Variants in FGD5 observed in about 807,000 individuals in gnomAD.
FGD5 encodes the protein FYVE, RhoGEF and PH domain-containing protein 5.
A neutral mutation model predicts 133.4 loss-of-function variants in FGD5; 28 were observed. The observed-to-expected ratio is 0.21, with a 90% CI of 0.16 to 0.29. FGD5 has a LOEUF of 0.29. FGD5 is among the 10% of genes least tolerant of loss of function. FGD5 has a pLI of 1.00. For missense variants in FGD5, 1,858 were observed against 1,895.2 expected (o/e 0.98, Z 0.36); for synonymous variants, 810 against 776.5 (o/e 1.04, Z -0.72).
chr3:14,854,440 C>T (rs994085157), intron 1 of FGD5, among the ~76,000 whole-genome samples: 3 of 100,152 alleles, frequency 3.0e-5, no homozygotes, highest in Admixed American at 9.7e-5. Context: ...TTTATTGAGA[C>T]GAGCTCACTC....
intron 2 of FGD5, among the ~76,000 whole-genome samples, chr3:14,874,920 C>T (rs2037685933): frequency 6.6e-6 from 1 of 152,188 alleles, no homozygotes; most frequent in Non-Finnish European, 1.5e-5. Context: ...ACTGTTGCGT[C>T]CCTCCTTCTC....
chr3:14,814,708 G>T (rs1406389201), upstream of FGD5, among the ~76,000 whole-genome samples: 2 of 152,110 alleles, frequency 1.3e-5, no homozygotes, highest in Non-Finnish European at 2.9e-5. Flanking sequence ...GAGCCTGCTT[G>T]ACATCTCCAG....
At chr3:14,928,292 G>A (rs958578146) in intron 18 of FGD5, among the ~76,000 whole-genome samples, 1 of 151,880 alleles carries the variant, frequency 6.6e-6, no homozygotes. Flanking sequence ...GGCTGTTCTC[G>A]AACTGCTGGT....
At chr3:14,910,989 G>T in intron 11 of FGD5, 60 bp downstream of exon 11, 1 of 1,520,324 alleles carries the variant, frequency 6.6e-7, no homozygotes, top group South Asian at 1.2e-5. Context: ...GGTTTTCTAG[G>T]GCCATTATTC....
intron 4 of FGD5, among the ~76,000 whole-genome samples, chr3:14,883,847 A>C (rs904905495): frequency 1.3e-5 from 2 of 152,184 alleles, no homozygotes; most frequent in Non-Finnish European, 2.9e-5. Flanking sequence ...GGAAAGACAT[A>C]TGCAGGAAGG....
At chr3:14,887,269 C>T (rs1427440129) in intron 4 of FGD5, among the ~76,000 whole-genome samples, 1 of 152,162 alleles carries the variant, frequency 6.6e-6, no homozygotes, top group African/African-American at 2.4e-5. Flanking sequence ...GACCCGTACC[C>T]TTGTTCCCAG....
chr3:14,833,338 G>A lies in FGD5; in HGVS notation c.2525+11742G>A, dbSNP rs530113975. Among the ~76,000 whole-genome samples, 90 of 152,208 alleles carry A rather than the reference G, an allele frequency of 5.9e-4. 1 individual carries two copies. Among genetic ancestry groups the A allele is most frequent in the Non-Finnish European group, 1.1e-3 (74 of 68,038 alleles). ...CCCTGGATAGGGCCCAAAATCTCCA[G>A]GTCAAGGCATAACCCAAGAACTTGA... On this transcript the variant is annotated intron_variant, in intron 1 of 19. Coordinates refer to ENST00000285046, the MANE Select transcript of FGD5 (RefSeq NM_152536.4).
intron 4 of FGD5, among the ~76,000 whole-genome samples, chr3:14,882,955 C>T (rs1329673967): frequency 3.3e-5 from 5 of 152,152 alleles, no homozygotes; most frequent in African/African-American, 9.7e-5. Flanking sequence ...GAGATTGGTG[C>T]TGTCGAGATC....
chr3:14,904,594 C>A (rs2038305016), intron 9 of FGD5, among the ~76,000 whole-genome samples: 1 of 151,906 alleles, frequency 6.6e-6, no homozygotes, highest in Admixed American at 6.6e-5. Flanking sequence ...TATTTCCTGC[C>A]CCAGTCTTAG....
At chr3:14,895,923 A>G (rs965244068) in intron 4 of FGD5, among the ~76,000 whole-genome samples, 5 of 152,240 alleles carry the variant, frequency 3.3e-5, no homozygotes, top group Non-Finnish European at 7.3e-5. Flanking sequence ...ACTGATAAAC[A>G]AATTCAGCAA....
chr3:14,865,609 A>G (rs1222588003), intron 2 of FGD5, among the ~76,000 whole-genome samples: 2 of 151,464 alleles, frequency 1.3e-5, no homozygotes, highest in African/African-American at 2.4e-5. Context: ...CGTATCTGGC[A>G]CTGTCCTGAG....
chr3:14,840,085 A>G (rs1225144146), intron 1 of FGD5, among the ~76,000 whole-genome samples: 3 of 152,012 alleles, frequency 2.0e-5, no homozygotes, highest in East Asian at 3.9e-4. Context: ...TACTGCATCC[A>G]TGTACAGACA....
rs950515298 is a variant in FGD5 at position 14,862,503 on chromosome 3, C to T, written c.2526-1625C>T. 9.9e-5 allele frequency among the ~76,000 whole-genome samples: 15 copies of T among 152,192 alleles called. 1 individual carries two copies. Among genetic ancestry groups the T allele is most frequent in the Admixed American group, 9.2e-4 (14 of 15,290 alleles). ...CCCTTGGCAGCACGGTGACTTGCAG[C>T]GGAGGTGGAGGTGACCCTGAGACAG... is the stretch of plus-strand genomic sequence containing the variant. On this transcript the variant is annotated intron_variant, in intron 1 of 19. Transcript: ENST00000285046.
rs2038699182 is a variant in FGD5 at position 14,922,315 on chromosome 3, C to A, written c.3670-96C>A. The A allele has an allele frequency of 4.0e-6, 6 of 1,505,576 alleles. No homozygotes were observed. The highest frequency in any genetic ancestry group is 2.0e-5 in the Admixed American group (1 of 49,934). The allele number at this position is 1,505,576 out of a possible 1,614,324, so 93.3% of individuals were successfully genotyped here. On this transcript the variant is annotated intron_variant, in intron 14 of 19. Transcript: ENST00000285046. This position sits in a 1 kb window ranked among gnomAD's most constrained non-coding sequence, Gnocchi z 4.1. Reference sequence around the variant, plus strand: ...GACCCACTCACCCACACATCACACACCCTGCACAGAGACGCAGGGCAGGGC... The same window carrying A: ...GACCCACTCACCCACACATCACACAACCTGCACAGAGACGCAGGGCAGGGC...
At chr3:14,927,949 A>G (rs1423366233) in intron 18 of FGD5, among the ~76,000 whole-genome samples, 3 of 137,504 alleles carry the variant, frequency 2.2e-5, no homozygotes, top group East Asian at 2.1e-4. Flanking sequence ...TTTTTTTTTA[A>G]TTTTTTTTTT....
At chr3:14,887,050 G>A (rs1407541827) in intron 4 of FGD5, among the ~76,000 whole-genome samples, 2 of 152,192 alleles carry the variant, frequency 1.3e-5, no homozygotes, top group Non-Finnish European at 2.9e-5. Context: ...TGCATAGGTC[G>A]AGCTGACGGA....
chr3:14,880,506 G>A, intron 2 of FGD5, 66 bp from the exon 3 acceptor site: 1 of 1,518,516 alleles, frequency 6.6e-7, no homozygotes, highest in Non-Finnish European at 9.0e-7. Flanking sequence ...GCCTCCAGCA[G>A]CATGGTGGCC....
chr3:14,845,947 G>GT (rs1475743198), intron 1 of FGD5, among the ~76,000 whole-genome samples: 1 of 152,166 alleles, frequency 6.6e-6, no homozygotes, highest in East Asian at 1.9e-4. Flanking sequence ...GTGGAGTGAG[G>GT]TATGTGCTGC....
At chr3:14,872,877 A>C (rs1466016641) in intron 2 of FGD5, among the ~76,000 whole-genome samples, 1 of 152,172 alleles carries the variant, frequency 6.6e-6, no homozygotes, top group Non-Finnish European at 1.5e-5. Context: ...TCAGTGTCTG[A>C]CGGTGGCTGA....
Sources: gnomAD v4.1 joint callset for allele counts (sites outside exome capture counted in the v4.1 genomes callset) on GRCh38, gnomAD v4.1.1 for gene constraint, Gnocchi (gnomAD v3.1) non-coding constraint, MANE v1.5 for transcripts, NCBI Gene and HGNC (gene_info 2026-07-23, HGNC 2026-07-21) for gene names.